RPA3: variants seen among roughly 807,000 people sequenced by gnomAD.
The protein encoded by RPA3 is replication protein A 14 kDa subunit.
In RPA3, 24 loss-of-function variants were observed where a neutral mutation model predicts 13.7. The observed-to-expected ratio is 1.75, with a 90% CI of 1.27 to 2.46. The LOEUF (loss-of-function observed/expected upper bound fraction) is 2.46, where lower values mean the gene tolerates loss of function less well. Ranked by LOEUF, RPA3 falls within the 30% of genes most tolerant of loss-of-function variation. The pLI, the probability that RPA3 is intolerant of heterozygous loss-of-function variation, is 0.00. For missense variants in RPA3, 183 were observed against 151.0 expected, an observed-to-expected ratio of 1.21 and a Z score of -1.11; for synonymous variants, 59 against 51.2, an observed-to-expected ratio of 1.15 and a Z score of -0.65.
At chr7:7,677,098 A>G (rs930731807) in intron 4 of RPA3, among the ~76,000 whole-genome samples, 3 of 152,020 alleles carry the variant, frequency 2.0e-5, no homozygotes, top group African/African-American at 7.2e-5. Context: ...TTTGTTTTAA[A>G]TTTTTTATTT....
chr7:7,662,990 A>T (rs1785511678), intron 4 of RPA3, among the ~76,000 whole-genome samples: 1 of 141,616 alleles, frequency 7.1e-6, no homozygotes. Context: ...AAATTTAAAG[A>T]AGTGTGTGAG....
At chr7:7,663,976 G>C (rs1779367984) in intron 4 of RPA3, among the ~76,000 whole-genome samples, 1 of 152,162 alleles carries the variant, frequency 6.6e-6, no homozygotes. Context: ...CTACTGATTA[G>C]ATTTAGGCTA....
At chr7:7,704,861 T>C (rs972839221) in intron 2 of RPA3, among the ~76,000 whole-genome samples, 2 of 149,992 alleles carry the variant, frequency 1.3e-5, no homozygotes, top group Admixed American at 6.7e-5. Flanking sequence ...GGGTCATCAA[T>C]TGAAAAAAAA....
At chr7:7,675,027 A>T (rs933984751) in intron 4 of RPA3, among the ~76,000 whole-genome samples, 20 of 151,922 alleles carry the variant, frequency 1.3e-4, no homozygotes, top group South Asian at 2.1e-4. Context: ...AATTTTTTTT[A>T]AAATTATTTT....
chr7:7,637,612 G>A (rs1380191670), intron 7 of RPA3, among the ~76,000 whole-genome samples: 25 of 150,694 alleles, frequency 1.7e-4, no homozygotes, highest in Middle Eastern at 3.6e-3. Flanking sequence ...GTAATTGTAT[G>A]TAATACATAC....
At chr7:7,701,979 A>G (rs1241105170) in intron 2 of RPA3, among the ~76,000 whole-genome samples, 2 of 152,232 alleles carry the variant, frequency 1.3e-5, no homozygotes, top group African/African-American at 4.8e-5. Context: ...AATTTTCCAA[A>G]TAAGAGTGGC....
Position 7,671,345 on chromosome 7 carries a change from T to G in RPA3, c.-758+14485A>C, listed in dbSNP as rs375601788. On this transcript the variant is annotated intron_variant, in intron 4 of 7. Transcript: ENST00000223129. ...ATATCTTGGCTCCACAAGGCTTCAGTTGGAGACCCACACCCTTAGTCTCTT... is the reference window on the plus strand; with the variant it reads ...ATATCTTGGCTCCACAAGGCTTCAGGTGGAGACCCACACCCTTAGTCTCTT... Among the ~76,000 whole-genome samples, 10 of 152,300 alleles carry G rather than the reference T, an allele frequency of 6.6e-5. No individual in the cohort carries two copies. The East Asian group carries it at 1.2e-3, about 18-fold the overall frequency.
intron 4 of RPA3, among the ~76,000 whole-genome samples, chr7:7,667,819 C>G (rs547202562): frequency 6.6e-6 from 1 of 152,214 alleles, no homozygotes; most frequent in Non-Finnish European, 1.5e-5. Flanking sequence ...TGCTGCTTTA[C>G]TGATGAAAAG....
At chr7:7,663,082 C>G (rs565153054) in intron 4 of RPA3, among the ~76,000 whole-genome samples, 144 of 151,780 alleles carry the variant, frequency 9.5e-4, no homozygotes, top group Non-Finnish European at 1.7e-3. Context: ...CACCCAAATG[C>G]GAAAGTTTAT....
At chr7:7,676,187 A>T (rs544800600) in intron 4 of RPA3, 21 of 398,486 alleles carry the variant, frequency 5.3e-5, no homozygotes, top group Non-Finnish European at 8.4e-5. Flanking sequence ...TGGCTCCACG[A>T]CTTACTCTCT....
At chr7:7,647,099 T>C (rs559706326) in intron 4 of RPA3, among the ~76,000 whole-genome samples, 36 of 152,262 alleles carry the variant, frequency 2.4e-4, no homozygotes, top group African/African-American at 8.7e-4. Context: ...ATCTATTGAG[T>C]GTTTGGTAGT....
intron 7 of RPA3, among the ~76,000 whole-genome samples, 162 bp from the exon 8 acceptor site, chr7:7,637,244 C>CA (rs932148443): frequency 6.6e-5 from 10 of 151,174 alleles, no homozygotes; most frequent in South Asian, 6.2e-4. Flanking sequence ...ACTGTGGCAC[C>CA]AAAAAAAAGA....
intron 4 of RPA3, among the ~76,000 whole-genome samples, chr7:7,683,283 C>G (rs1345840521): frequency 6.6e-6 from 1 of 152,066 alleles, no homozygotes; most frequent in Non-Finnish European, 1.5e-5. Context: ...GTGCTGGGAC[C>G]CATTCCTAGA....
chr7:7,662,638 G>A (rs1785504344), intron 4 of RPA3, among the ~76,000 whole-genome samples: 1 of 152,088 alleles, frequency 6.6e-6, no homozygotes, highest in Non-Finnish European at 1.5e-5. Context: ...CCCTCCTTGG[G>A]CTGCACCCAC....
chr7:7,669,026 G>A (rs1045381750), intron 4 of RPA3, among the ~76,000 whole-genome samples: 3 of 151,928 alleles, frequency 2.0e-5, no homozygotes, highest in Admixed American at 6.5e-5. Flanking sequence ...CCACACAGAC[G>A]TAGGGAGAAT....
At chr7:7,717,255 C>T (rs1344697426) in intron 1 of RPA3, among the ~76,000 whole-genome samples, 1 of 152,030 alleles carries the variant, frequency 6.6e-6, no homozygotes, top group Non-Finnish European at 1.5e-5. Flanking sequence ...CTGGGTTTCA[C>T]CACGTTGGCC....
At chr7:7,691,597 C>A (rs929655714) in intron 2 of RPA3, among the ~76,000 whole-genome samples, 13 of 152,188 alleles carry the variant, frequency 8.5e-5, no homozygotes, top group Admixed American at 8.5e-4. Context: ...CATTTCAGAT[C>A]ATTTTGCTGG....
At chr7:7,672,471 G>A (rs1401003760) in intron 4 of RPA3, among the ~76,000 whole-genome samples, 1 of 152,106 alleles carries the variant, frequency 6.6e-6, no homozygotes, top group Non-Finnish European at 1.5e-5. Flanking sequence ...TTTATAATGG[G>A]TACTGATATG....
intron 4 of RPA3, among the ~76,000 whole-genome samples, chr7:7,643,159 C>T (rs1042629389): frequency 6.6e-5 from 10 of 152,146 alleles, no homozygotes; most frequent in African/African-American, 2.4e-4. Flanking sequence ...AGGCCATTTC[C>T]TGATGGTCCA....
Sources: allele counts gnomAD v4.1 joint callset (sites outside exome capture counted in the v4.1 genomes callset), GRCh38; gene constraint gnomAD v4.1.1; transcripts MANE v1.5; gene names NCBI Gene and HGNC (gene_info 2026-07-23, HGNC 2026-07-21).